Variants in APEX2 observed in about 807,000 individuals in gnomAD.
APEX2 encodes DNA-(apurinic or apyrimidinic site) endonuclease 2.
APEX2 carries 4 observed loss-of-function variants against 16.7 expected under a neutral mutation model. That is an observed-to-expected ratio of 0.24 (90% CI 0.12 to 0.55). The LOEUF (loss-of-function observed/expected upper bound fraction) is 0.55, where lower values mean the gene tolerates loss of function less well. Ranked by LOEUF, APEX2 falls within the 20% of genes least tolerant of loss-of-function variation. APEX2 has a pLI of 0.94. For missense variants in APEX2, 357 were observed against 433.6 expected, an observed-to-expected ratio of 0.82 and a Z score of 1.57; for synonymous variants, 181 against 166.9, an observed-to-expected ratio of 1.08 and a Z score of -0.65.
chrX:55,001,414 A>G (rs1215902749), intron 1 of APEX2, 132 bp from the exon 2 acceptor site: 8 of 414,891 alleles, frequency 1.9e-5, no homozygotes, highest in Admixed American at 1.5e-4. Flanking sequence ...AATCATGGAT[A>G]TTTCATTCCC....
chrX:55,003,985 T>C (rs1935476423), intron 5 of APEX2, 117 bp downstream of exon 5: 1 of 624,646 alleles, frequency 1.6e-6, no homozygotes, highest in Non-Finnish European at 2.6e-6. Context: ...GAGCTTGGCT[T>C]GCAATACTAT....
chrX:55,003,191 G>A, intron 4 of APEX2, 83 bp downstream of exon 4: 3 of 1,073,686 alleles, frequency 2.8e-6, no homozygotes, highest in South Asian at 4.4e-5. Context: ...AAAGGGATAT[G>A]GACCCTTTGT....
At chrX:55,005,599 C>A (rs1935489848) in intron 5 of APEX2, among the ~76,000 whole-genome samples, 5 of 111,625 alleles carry the variant, frequency 4.5e-5, no homozygotes, top group Non-Finnish European at 1.9e-5. Context: ...AGCTACAAAT[C>A]ATCTCATAAT....
chrX:55,002,208 T>C (rs761571243), intron 2 of APEX2, 43 bp from the exon 3 acceptor site: 1 of 1,115,968 alleles, frequency 9.0e-7, no homozygotes. Context: ...TGCAACAGGC[T>C]ATTGACTGCC....
chrX:55,003,382 C>G (rs1414770012), intron 4 of APEX2, among the ~76,000 whole-genome samples: 1 of 112,519 alleles, frequency 8.9e-6, no homozygotes, highest in Admixed American at 9.3e-5. Flanking sequence ...ATATGAATCT[C>G]TACCCTACAC....
At chrX:55,006,169 C>T (rs1935495022) in intron 5 of APEX2, among the ~76,000 whole-genome samples, 1 of 108,753 alleles carries the variant, frequency 9.2e-6, no homozygotes, top group Admixed American at 1.0e-4. Flanking sequence ...AACCCCAGCC[C>T]TGCTTCCTAG....
rs374701476 is a variant in APEX2, at chrX:55,006,917, G to A, written c.1039G>A (p.Glu347Lys). The change falls in exon 6 of 6, where the codon GAA (glutamate) becomes AAA (lysine). Residue 347 changes from glutamate (E) to lysine (K), a missense_variant. By Grantham distance (56) the Glu-to-Lys change is moderately conservative (BLOSUM62 1). Coordinates refer to ENST00000374987, the MANE Select transcript of APEX2 (RefSeq NM_014481.4). ...GATCCTTCGCTTCCTAGTTCCTCTC[G>A]AACAAAGTCCTGTGTTGGAGCAGTC... is the stretch of plus-strand genomic sequence containing the variant. ...LKILRFLVPL[E>K]QSPVLEQSTL... 1.7e-5 allele frequency: 21 copies of A among 1,209,971 alleles called. No homozygotes were observed. In the East Asian group the frequency reaches 5.3e-4, roughly 31 times the overall value.
In APEX2 at chrX:55,006,733, G is replaced by C; in HGVS notation, c.855G>C (p.Leu285=). The C allele has an allele frequency of 8.4e-7, 1 of 1,195,527 alleles. No homozygotes were observed. Among genetic ancestry groups the C allele is most frequent in the Non-Finnish European group, 1.1e-6 (1 of 886,072 alleles). The change falls in exon 6 of 6, where the codon CTG becomes CTC. Residue 285 remains leucine (L), a synonymous_variant. Coordinates refer to ENST00000374987, the MANE Select transcript of APEX2 (RefSeq NM_014481.4). ...ACTATGTGCTGGGGGACAGGACCCTGGTCATAGACACCTTTCAGGCCTCTT... is the reference window on the plus strand; with the variant it reads ...ACTATGTGCTGGGGGACAGGACCCTCGTCATAGACACCTTTCAGGCCTCTT... ...RLDYVLGDRT[L]VIDTFQASFL...
In APEX2 at chrX:55,000,646, C is replaced by T. The variant is rs1193357557; in HGVS notation, c.157+67C>T. 4 of 1,091,632 alleles carry T rather than the reference C, an allele frequency of 3.7e-6. No homozygotes were observed. In the African/African-American group the frequency reaches 5.6e-5, roughly 15 times the overall value. 90.0% of individuals were successfully genotyped at this position (1,091,632 alleles called of 1,213,427 possible). ...TCCCGCTAACTTTTGTCCCCTGTCC[C>T]ATGTAATTTTACTTTCCCAGTTTCC... On this transcript the variant is annotated intron_variant, in intron 1 of 5. Coordinates refer to ENST00000374987, the MANE Select transcript of APEX2 (RefSeq NM_014481.4).
At chrX:55,001,709 G>A in intron 2 of APEX2, 80 bp downstream of exon 2, 1 of 781,363 alleles carries the variant, frequency 1.3e-6, no homozygotes, top group Non-Finnish European at 1.8e-6. Flanking sequence ...TGATGAGAGG[G>A]TAATAAGAAA....
chrX:55,001,600 G>A lies in APEX2; in HGVS notation c.212G>A (p.Ser71Asn). The change falls in exon 2 of 6, where the codon AGC (serine) becomes AAC (asparagine). Residue 71 changes from serine (S) to asparagine (N), a missense_variant. Ser to Asn is a conservative substitution (Grantham distance 46, BLOSUM62 1). Coordinates refer to ENST00000374987, the MANE Select transcript of APEX2 (RefSeq NM_014481.4). ...GTTGAGGGTTATAACTCCTATTTCAGCTTCAGCCGCAACCGTAGCGGCTAT... is the reference window on the plus strand; with the variant it reads ...GTTGAGGGTTATAACTCCTATTTCAACTTCAGCCGCAACCGTAGCGGCTAT... ...AIVEGYNSYF[S>N]FSRNRSGYSG... The A allele has an allele frequency of 8.3e-7, 1 of 1,206,808 alleles. No homozygotes were observed. The highest frequency in any genetic ancestry group is 1.8e-5 in the South Asian group (1 of 55,840).
rs1289085457 is a variant in APEX2, at chrX:55,007,099, TC to T, written c.1223del (p.Pro408LeufsTer3). On this transcript the variant is annotated frameshift_variant, in exon 6 of 6. Transcript: ENST00000374987. LOFTEE classifies it low-confidence loss of function (END_TRUNC). The stretch of plus-strand genomic sequence containing the variant: ...CCTCCCCTAGCTGTCCCCAAGCCTC[TC>T]CTGACATAGAGCTGCCTAGCCTACC... Reference protein sequence around the residue: ...QPSPSCPQASPDIELPSLPLM... With the variant: ...QPSPSCPQASXDIELPSLPLM... 8.3e-7 allele frequency: 1 copy of T among 1,211,562 alleles called. No homozygotes were observed. The highest frequency in any genetic ancestry group is 2.2e-5 in the Admixed American group (1 of 46,044).
intron 1 of APEX2, among the ~76,000 whole-genome samples, chrX:55,001,241 G>T (rs1284444506): frequency 9.3e-6 from 1 of 107,899 alleles, no homozygotes; most frequent in East Asian, 2.9e-4. Flanking sequence ...CCCATCCCCA[G>T]CTTCCTCCTA....
chrX:55,006,018 C>T (rs756265027), intron 5 of APEX2, among the ~76,000 whole-genome samples: 16 of 107,624 alleles, frequency 1.5e-4, no homozygotes, highest in Non-Finnish European at 3.1e-4. Context: ...GGGATCAGAG[C>T]CTAAGGAAGT....
rs370230204 is a variant in APEX2, at chrX:55,000,533, C to T, written c.111C>T (p.Asp37=). 6.6e-6 allele frequency: 8 copies of T among 1,208,842 alleles called. No homozygotes were observed. The East Asian group carries it at 2.1e-4, about 31-fold the overall frequency. ...CAAVAVGRIL[D]ELDADIVCLQ... ...CCGTGGCCGTGGGGCGCATTTTGGA[C>T]GAGCTGGATGCGGATATCGTCTGTC... Residue 37 remains aspartate, a synonymous_variant, in exon 1 of 6, where the codon GAC becomes GAT. Coordinates refer to ENST00000374987, the MANE Select transcript of APEX2 (RefSeq NM_014481.4).
rs755725464 is a variant in APEX2, at chrX:55,000,374, C to A, written c.-49C>A. On this transcript the variant is annotated 5_prime_UTR_variant, in exon 1 of 6. Transcript: ENST00000374987. The stretch of plus-strand genomic sequence containing the variant: ...GCCAACTTCTGAACAGGAAGCAGTT[C>A]GCTCGCGCCTAGGTTGGCGCGGGCT... 3.7e-6 allele frequency: 4 copies of A among 1,094,607 alleles called. No homozygotes were observed. The highest frequency in any genetic ancestry group is 1.9e-5 in the African/African-American group (1 of 52,807). 90.2% of individuals were successfully genotyped at this position (1,094,607 alleles called of 1,213,427 possible). A position where few individuals can be genotyped will look rare whatever the true frequency, so the allele number is the denominator to read the frequency against.
At chrX:55,003,679 G>A in intron 4 of APEX2, 120 bp from the exon 5 acceptor site, 1 of 588,617 alleles carries the variant, frequency 1.7e-6, no homozygotes, top group Non-Finnish European at 2.7e-6. Context: ...GTTATGAGTT[G>A]CTGTTGGCTA....
rs1935534633 is a variant in APEX2, at chrX:55,008,139, AC to A, written c.*705del. The stretch of plus-strand genomic sequence containing the variant: ...GCCTGGGACCACACAAGTTTCAGGG[AC>A]GATTGCCTCCTTAGCAAGTAGTATC... On this transcript the variant is annotated 3_prime_UTR_variant, in exon 6 of 6. Transcript: ENST00000374987. The A allele has an allele frequency of 8.9e-6, 1 of 112,637 alleles. No individual in the cohort carries two copies. The highest frequency in any genetic ancestry group is 1.9e-5 in the Non-Finnish European group (1 of 53,302). 9.3% of individuals were successfully genotyped at this position (112,637 alleles called of 1,213,427 possible).
In APEX2 at chrX:55,007,672, A is replaced by C. The variant is rs1353187826; in HGVS notation, c.*237A>C. 2.1e-5 allele frequency: 7 copies of C among 325,634 alleles called. No individual in the cohort carries two copies. The highest frequency in any genetic ancestry group is 3.7e-5 in the Non-Finnish European group (7 of 189,634). 26.8% of individuals were successfully genotyped at this position (325,634 alleles called of 1,213,427 possible). A position where few individuals can be genotyped will look rare whatever the true frequency, so the allele number is the denominator to read the frequency against. Reference sequence around the variant, plus strand: ...CTTTCCACCTTCCTGTCCGAAGTACACGGACACTAGCTGCCCCAGGAAGTT... The same window carrying C: ...CTTTCCACCTTCCTGTCCGAAGTACCCGGACACTAGCTGCCCCAGGAAGTT... On this transcript the variant is annotated 3_prime_UTR_variant, in exon 6 of 6. Transcript: ENST00000374987.
Sources: gnomAD v4.1 joint callset for allele counts (sites outside exome capture counted in the v4.1 genomes callset) on GRCh38, gnomAD v4.1.1 for gene constraint, MANE v1.5 for transcripts, NCBI Gene and HGNC (gene_info 2026-07-23, HGNC 2026-07-21) for gene names.